The following HDLBP variants were observed in gnomAD, a reference collection of about 807,000 sequenced individuals.
HDLBP encodes the protein vigilin.
In HDLBP, 30 loss-of-function variants were observed where a neutral mutation model predicts 137.3. That is an observed-to-expected ratio of 0.22 (90% CI 0.16 to 0.30). The LOEUF is 0.30. Among genes scored for constraint, HDLBP ranks in the 10% least tolerant of loss-of-function variants. HDLBP has a pLI of 1.00. For synonymous variants in HDLBP, 606 were observed against 596.0 expected, an observed-to-expected ratio of 1.02 and a Z score of -0.24; for missense variants, 1,119 against 1,667.3, an observed-to-expected ratio of 0.67 and a Z score of 5.73.
At chr2:241,310,692 G>C (rs1176240563) in intron 1 of HDLBP, among the ~76,000 whole-genome samples, 1 of 152,058 alleles carries the variant, frequency 6.6e-6, no homozygotes, top group Non-Finnish European at 1.5e-5. Flanking sequence ...AGAAATCAAA[G>C]CAATAAATCA....
intron 24 of HDLBP, among the ~76,000 whole-genome samples, chr2:241,231,668 G>A (rs1383069020): frequency 1.3e-5 from 2 of 152,052 alleles, no homozygotes; most frequent in East Asian, 1.9e-4. Context: ...ATTCCTCAGC[G>A]AGCCCCTCCC....
chr2:241,248,015 C>G lies in HDLBP; in HGVS notation c.1719G>C (p.Met573Ile), dbSNP rs752867460. ...GAAACACCCCTACCAGATCTGCCAC[C>G]ATCTTCTGCATGTATTTTGTGCATT... Reference protein sequence around the residue: ...VEKCTKYMQKMVADLVENSYS... With the variant: ...VEKCTKYMQKIVADLVENSYS... The change falls in exon 14 of 28, where the codon ATG (methionine) becomes ATC (isoleucine). Residue 573 changes from methionine (M) to isoleucine (I), a missense_variant. Met to Ile is a conservative substitution (Grantham distance 10). Coordinates refer to ENST00000310931, the MANE Select transcript of HDLBP (RefSeq NM_005336.6). 1.2e-6 allele frequency: 2 copies of G among 1,612,246 alleles called. No homozygotes were observed. The highest frequency in any genetic ancestry group is 1.7e-6 in the Non-Finnish European group (2 of 1,178,286).
chr2:241,254,990 A>T, intron 9 of HDLBP, 61 bp downstream of exon 9: 1 of 1,295,172 alleles, frequency 7.7e-7, no homozygotes, highest in Non-Finnish European at 1.1e-6. Flanking sequence ...AAGCAATATC[A>T]GAAACAGAAA....
At chr2:241,284,262 AG>A (rs2074722887) in intron 1 of HDLBP, among the ~76,000 whole-genome samples, 1 of 152,250 alleles carries the variant, frequency 6.6e-6, no homozygotes, top group Admixed American at 6.5e-5. Flanking sequence ...ATTTGGGCAA[AG>A]TCCATTGAAA....
intron 1 of HDLBP, among the ~76,000 whole-genome samples, chr2:241,287,171 C>A (rs1193683305): frequency 6.6e-6 from 1 of 152,102 alleles, no homozygotes; most frequent in Non-Finnish European, 1.5e-5. Context: ...AGTGCAGTGG[C>A]GTGATCTTGG....
In HDLBP at chr2:241,239,764, G is replaced by A. The variant is rs1414208516; in HGVS notation, c.2448C>T (p.Val816=). ...LVDPKHHRHF[V]IRRGQVLREI... ...CCCGCAAGACCTGGCCTCTGCGGAT[G>A]ACGAAGTGGCGGTGGTGCTTGGGGT... Residue 816 remains valine (V), a synonymous_variant, in exon 19 of 28, where the codon GTC becomes GTT. Coordinates refer to ENST00000310931, the MANE Select transcript of HDLBP (RefSeq NM_005336.6). The surrounding 1 kb of genome is among the most constrained non-coding windows in gnomAD (Gnocchi z 4.6). 1.2e-6 allele frequency: 2 copies of A among 1,614,150 alleles called. No homozygotes were observed. The highest frequency in any genetic ancestry group is 1.7e-6 in the Non-Finnish European group (2 of 1,180,036).
intron 5 of HDLBP, among the ~76,000 whole-genome samples, chr2:241,257,472 C>T (rs1468790950): frequency 6.6e-6 from 1 of 152,186 alleles, no homozygotes; most frequent in African/African-American, 2.4e-5. Context: ...ACCTTGTGAT[C>T]CGCCCACCTC....
Position 241,248,108 on chromosome 2 carries a change from A to AATG in HDLBP, c.1623_1625dup (p.Ile542dup), listed in dbSNP as rs1194238185. 6.2e-7 allele frequency: 1 copy of AATG among 1,613,204 alleles called. No individual in the cohort carries two copies. Among genetic ancestry groups the AATG allele is most frequent in the Non-Finnish European group, 8.5e-7 (1 of 1,179,100 alleles). ...TTTTTTGTGCTGGGTCTGGAAAGTT[A>AATG]ATGATGACCTAGAACAAATCATGGG... On this transcript the variant is annotated inframe_insertion, in exon 14 of 28. Coordinates refer to ENST00000310931, the MANE Select transcript of HDLBP (RefSeq NM_005336.6).
At chr2:241,261,587 G>A (rs1444572870) in intron 5 of HDLBP, among the ~76,000 whole-genome samples, 1 of 152,166 alleles carries the variant, frequency 6.6e-6, no homozygotes, top group Non-Finnish European at 1.5e-5. Context: ...CTACAGTGTT[G>A]ATTACAAAAC....
rs2149363737 is a variant in HDLBP, at chr2:241,236,445, C to T, written c.2904+170G>A. The T allele has an allele frequency of 5.9e-6, 4 of 678,946 alleles. No individual in the cohort carries two copies. In the East Asian group the frequency reaches 1.0e-4, roughly 18 times the overall value. 42.1% of individuals were successfully genotyped at this position (678,946 alleles called of 1,614,324 possible). A position where few individuals can be genotyped will look rare whatever the true frequency, so the allele number is the denominator to read the frequency against. ...TGAAGGGAAGTGGCCTCCCCAAACTCTGTGTCCAGCCGAGAAGCACAGCCC... is the reference window on the plus strand; with the variant it reads ...TGAAGGGAAGTGGCCTCCCCAAACTTTGTGTCCAGCCGAGAAGCACAGCCC... On this transcript the variant is annotated intron_variant, in intron 21 of 27. Transcript: ENST00000310931.
chr2:241,253,335 G>A (rs767884999), intron 10 of HDLBP, 58 bp downstream of exon 10: 2 of 1,180,066 alleles, frequency 1.7e-6, no homozygotes, highest in Non-Finnish European at 2.6e-6. Context: ...GACCGCCCAT[G>A]CCCAACTCAG....
intron 8 of HDLBP, 49 bp downstream of exon 8, chr2:241,255,325 C>T (rs1292421586): frequency 6.5e-7 from 1 of 1,536,992 alleles, no homozygotes; most frequent in East Asian, 2.2e-5. Flanking sequence ...CATGAAGGCC[C>T]CGCGGACTCC....
chr2:241,245,303 C>T (rs905126731), intron 16 of HDLBP, among the ~76,000 whole-genome samples: 1 of 151,974 alleles, frequency 6.6e-6, no homozygotes, highest in Non-Finnish European at 1.5e-5. Flanking sequence ...CTCACCTCAA[C>T]CTCCTGAGTG....
intron 16 of HDLBP, among the ~76,000 whole-genome samples, chr2:241,244,630 G>A (rs1173402757): frequency 1.3e-5 from 2 of 152,180 alleles, no homozygotes; most frequent in Non-Finnish European, 2.9e-5. Flanking sequence ...CAGACATACA[G>A]AATGTGAAAG....
rs540138259 is a variant in HDLBP at position 241,273,232 on chromosome 2, C to T, written c.-102-4691G>A. The T allele has an allele frequency of 9.1e-6, 9 of 985,406 alleles. No individual in the cohort carries two copies. In the Admixed American group the frequency reaches 3.1e-4, roughly 34 times the overall value. 61.0% of individuals were successfully genotyped at this position (985,406 alleles called of 1,614,324 possible). On this transcript the variant is annotated intron_variant, in intron 1 of 27. Transcript: ENST00000310931. ...GCCACACTGGCACGAGGTCCTACAGCGCAGTGAGGCTCCCAGGCGGCTCCA... is the reference window on the plus strand; with the variant it reads ...GCCACACTGGCACGAGGTCCTACAGTGCAGTGAGGCTCCCAGGCGGCTCCA...
At chr2:241,287,420 CT>C (rs57462994) in intron 1 of HDLBP, among the ~76,000 whole-genome samples, 23,626 of 135,246 alleles carry the variant, frequency 0.17, 2,096 homozygotes, top group African/African-American at 0.24. Flanking sequence ...TTCTTTCTTT[CT>C]TTTTTTTTTT....
chr2:241,244,133 C>T (rs986173593), intron 16 of HDLBP, among the ~76,000 whole-genome samples: 1 of 152,104 alleles, frequency 6.6e-6, no homozygotes, highest in African/African-American at 2.4e-5. Flanking sequence ...CAGATTAGAA[C>T]ACTGCAAAGA....
intron 1 of HDLBP, among the ~76,000 whole-genome samples, chr2:241,273,847 G>T (rs2149592192): frequency 6.8e-6 from 1 of 147,656 alleles, no homozygotes; most frequent in East Asian, 2.0e-4. Flanking sequence ...GGCAGGATCA[G>T]ACGTGTTTTT....
intron 1 of HDLBP, among the ~76,000 whole-genome samples, chr2:241,299,913 T>TCATA (rs2075332076): frequency 6.6e-6 from 1 of 151,158 alleles, no homozygotes; most frequent in African/African-American, 2.4e-5. Context: ...AGATTCCGTC[T>TCATA]CAAACAAACA....
Sources: allele counts gnomAD v4.1 joint callset (sites outside exome capture counted in the v4.1 genomes callset), GRCh38; gene constraint gnomAD v4.1.1; non-coding constraint Gnocchi (gnomAD v3.1); transcripts MANE v1.5; gene names NCBI Gene and HGNC (gene_info 2026-07-23, HGNC 2026-07-21).